The following DNA2 variants were observed in gnomAD, a reference collection of about 807,000 sequenced individuals.
DNA2 encodes the protein DNA replication ATP-dependent helicase/nuclease DNA2.
Under a neutral mutation model 119.1 loss-of-function variants are expected in DNA2, and 101 were observed. The observed-to-expected ratio is 0.85, with a 90% CI of 0.72 to 1.00. The LOEUF is 1.00. Among genes scored for constraint, DNA2 ranks in the 50% least tolerant of loss-of-function variants. DNA2 has a pLI of 0.00. For missense variants in DNA2, 1,121 were observed against 1,255.5 expected (o/e 0.89, Z 1.62); for synonymous variants, 366 against 424.4 (o/e 0.86, Z 1.69).
intron 4 of DNA2, among the ~76,000 whole-genome samples, chr10:68,463,748 T>C (rs916673112): frequency 1.3e-4 from 20 of 152,026 alleles, no homozygotes; most frequent in Admixed American, 3.3e-4. Flanking sequence ...TCATCAGACA[T>C]TGAGACTTCA....
chr10:68,423,370 T>A (rs370502754), intron 14 of DNA2, among the ~76,000 whole-genome samples: 2 of 151,998 alleles, frequency 1.3e-5, no homozygotes, highest in Admixed American at 6.6e-5. Context: ...AACAACACAG[T>A]AGTTGATTCC....
At chr10:68,452,567 T>TTTA (rs143027263) in intron 5 of DNA2, among the ~76,000 whole-genome samples, 40 of 145,930 alleles carry the variant, frequency 2.7e-4, no homozygotes, top group African/African-American at 9.3e-4. Flanking sequence ...GCAATGTGGC[T>TTTA]TTATTATTAT....
chr10:68,429,108 T>C (rs2051781705), intron 14 of DNA2, among the ~76,000 whole-genome samples: 1 of 152,100 alleles, frequency 6.6e-6, no homozygotes, highest in Non-Finnish European at 1.5e-5. Context: ...GACAAAAATA[T>C]GCTAGCATTA....
Position 68,459,121 on chromosome 10 carries a change from A to C in DNA2, c.702T>G (p.Pro234=), listed in dbSNP as rs1443316243. ...FMHKNTSTDF[P]QMQLSLPSDN... The stretch of plus-strand genomic sequence containing the variant: ...TTTCTTACAGAGAGAGCTGCATCTG[A>C]GGGAAGTCAGTCGAAGTGTTTTTAT... Residue 234 remains proline (P), a synonymous_variant, in exon 5 of 21, where the codon CCT becomes CCG. Transcript: ENST00000358410. The C allele has an allele frequency of 6.3e-7, 1 of 1,599,940 alleles. No individual in the cohort carries two copies. Among genetic ancestry groups the C allele is most frequent in the Non-Finnish European group, 8.5e-7 (1 of 1,172,654 alleles).
Position 68,414,375 on chromosome 10 carries a change from A to G in DNA2, c.*664T>C, listed in dbSNP as rs2051562084. 6.6e-6 allele frequency: 1 copy of G among 152,206 alleles called. No homozygotes were observed. Among genetic ancestry groups the G allele is most frequent in the Non-Finnish European group, 1.5e-5 (1 of 68,038 alleles). 9.4% of individuals were successfully genotyped at this position (152,206 alleles called of 1,614,324 possible). A position where few individuals can be genotyped will look rare whatever the true frequency, so the allele number is the denominator to read the frequency against. On this transcript the variant is annotated 3_prime_UTR_variant, in exon 21 of 21. Coordinates refer to ENST00000358410, the MANE Select transcript of DNA2 (RefSeq NM_001080449.3). Reference sequence around the variant, plus strand: ...GGGGCATATGAACATATGTGAAAATAGGAATCAACTTTTTAAATTTATTAT... The same window carrying G: ...GGGGCATATGAACATATGTGAAAATGGGAATCAACTTTTTAAATTTATTAT...
At chr10:68,434,473 C>G (rs1261975068) in intron 10 of DNA2, among the ~76,000 whole-genome samples, 1 of 74,828 alleles carries the variant, frequency 1.3e-5, no homozygotes, top group African/African-American at 1.1e-4. Flanking sequence ...CGTAGTGAGA[C>G]CCCCCCCATC....
At chr10:68,463,019 C>G (rs1163847364) in intron 4 of DNA2, among the ~76,000 whole-genome samples, 1 of 151,768 alleles carries the variant, frequency 6.6e-6, no homozygotes, top group African/African-American at 2.4e-5. Context: ...GTAATCCCAG[C>G]TAAAGAGAAG....
intron 5 of DNA2, among the ~76,000 whole-genome samples, chr10:68,451,558 C>G (rs1165627638): frequency 6.6e-6 from 1 of 151,890 alleles, no homozygotes; most frequent in African/African-American, 2.4e-5. Flanking sequence ...GATTCAAAGC[C>G]AGCCACATAA....
intron 9 of DNA2, among the ~76,000 whole-genome samples, chr10:68,437,513 G>C (rs2051906197): frequency 6.6e-6 from 1 of 151,800 alleles, no homozygotes. Context: ...AGCCAGGTGT[G>C]GTGGTGCTCG....
chr10:68,456,103 T>G (rs556550247), intron 5 of DNA2, among the ~76,000 whole-genome samples: 2 of 152,012 alleles, frequency 1.3e-5, no homozygotes, highest in South Asian at 4.2e-4. Flanking sequence ...GCACCTGTAG[T>G]CCCAGCTACT....
At chr10:68,430,310 T>C (rs1425592715) in intron 14 of DNA2, 126 bp downstream of exon 14, 2 of 677,236 alleles carry the variant, frequency 3.0e-6, no homozygotes, top group Non-Finnish European at 5.0e-6. Flanking sequence ...ACTGGTCGTA[T>C]AGTACATATA....
chr10:68,418,081 T>G (rs1262197810), intron 19 of DNA2, among the ~76,000 whole-genome samples: 4 of 152,172 alleles, frequency 2.6e-5, no homozygotes, highest in Non-Finnish European at 5.9e-5. Context: ...TGAACAACAC[T>G]GTGAATGCAC....
chr10:68,424,408 G>A (rs1331274503), intron 14 of DNA2, among the ~76,000 whole-genome samples: 2 of 151,716 alleles, frequency 1.3e-5, no homozygotes, highest in Non-Finnish European at 2.9e-5. Context: ...GAGGGCTGAG[G>A]CAGGAGGATC....
intron 6 of DNA2, among the ~76,000 whole-genome samples, chr10:68,447,236 G>A (rs61855132): frequency 0.089 from 13,568 of 151,946 alleles, 927 homozygotes; most frequent in South Asian, 0.24. Flanking sequence ...ACCCGGGCAC[G>A]GCTGGGCGTG....
chr10:68,470,397 T>C (rs2052371124), intron 1 of DNA2: 2 of 454,044 alleles, frequency 4.4e-6, no homozygotes, highest in Non-Finnish European at 7.9e-6. Context: ...TGATATGAGA[T>C]TTTCCATTTT....
chr10:68,417,445 T>C (rs2051606639), intron 19 of DNA2, among the ~76,000 whole-genome samples: 1 of 143,406 alleles, frequency 7.0e-6, no homozygotes, highest in Non-Finnish European at 1.5e-5. Flanking sequence ...GGAGGATTGC[T>C]AGAGCTCGGG....
chr10:68,429,576 G>A (rs572333623), intron 14 of DNA2, among the ~76,000 whole-genome samples: 23 of 149,486 alleles, frequency 1.5e-4, no homozygotes, highest in African/African-American at 5.4e-4. Flanking sequence ...GTCAGGCGTG[G>A]TGGCGGGTGC....
rs943599107 is a variant in DNA2, at chr10:68,424,863, A to T, written c.2209-1973T>A. On this transcript the variant is annotated intron_variant, in intron 14 of 20. Coordinates refer to ENST00000358410, the MANE Select transcript of DNA2 (RefSeq NM_001080449.3). The stretch of plus-strand genomic sequence containing the variant: ...AACCGTCCACGTGGGTACTCACCCA[A>T]ACAAGGTGGTTATCACCAGGCTAAA... The T allele has an allele frequency of 1.3e-5, 10 of 776,510 alleles. No individual in the cohort carries two copies. The African/African-American group carries it at 1.5e-4, about 12-fold the overall frequency. The allele number at this position is 776,510 out of a possible 1,614,324, so 48.1% of individuals were successfully genotyped here.
intron 14 of DNA2, among the ~76,000 whole-genome samples, chr10:68,429,711 CAAAAAAAAAAA>C (rs1165329779): frequency 2.5e-5 from 1 of 40,400 alleles, no homozygotes; most frequent in African/African-American, 9.1e-5. Context: ...GACTCCATCT[CAAAAAAAAAAA>C]AAAAAAAAAG....
Sources: allele counts gnomAD v4.1 joint callset (sites outside exome capture counted in the v4.1 genomes callset), GRCh38; gene constraint gnomAD v4.1.1; transcripts MANE v1.5; gene names NCBI Gene and HGNC (gene_info 2026-07-23, HGNC 2026-07-21).